The following SFPQ variants were observed in gnomAD, a reference collection of about 807,000 sequenced individuals.
SFPQ encodes the protein splicing factor proline and glutamine rich, also known as splicing factor, proline- and glutamine-rich.
A neutral mutation model predicts 72.9 loss-of-function variants in SFPQ; 11 were observed. The ratio of observed to expected loss-of-function variants is 0.15; its 90% confidence interval spans 0.09 to 0.25. The LOEUF (loss-of-function observed/expected upper bound fraction) is 0.25. Among genes scored for constraint, SFPQ ranks in the 10% least tolerant of loss-of-function variants. The probability of loss-of-function intolerance (pLI) is 1.00; values close to 1 mark genes in which losing one functional copy is unlikely to be tolerated. For synonymous variants in SFPQ, 506 were observed against 367.3 expected, an observed-to-expected ratio of 1.38 and a Z score of -4.32; for missense variants, 847 against 993.3, an observed-to-expected ratio of 0.85 and a Z score of 1.98.
rs1640100345 is a variant in SFPQ at position 35,192,779 on chromosome 1, G to T, written c.271C>A (p.Pro91Thr). The change falls in exon 1 of 10, where the codon CCA becomes ACA. Residue 91 changes from proline (P) to threonine (T), a missense_variant. By Grantham distance (38) the Pro-to-Thr change is conservative. This residue lies in a region of SFPQ where 498 missense variants were observed against 405.1 expected (regional missense o/e 1.23). Coordinates refer to ENST00000357214, the MANE Select transcript of SFPQ (RefSeq NM_005066.3). ...GGCTGCTGCTGCTGATGCGGCTGTG[G>T]ATGCGGCGGCGGCTGATGCGGTGGC... ...QPPPHQPPPH[P>T]QPHQQQQPPP... 3 of 1,500,640 alleles carry T rather than the reference G, an allele frequency of 2.0e-6. No homozygotes were observed. Among genetic ancestry groups the T allele is most frequent in the Admixed American group, 2.2e-5 (1 of 46,452 alleles). The allele number at this position is 1,500,640 out of a possible 1,614,324, so 93.0% of individuals were successfully genotyped here. A position where few individuals can be genotyped will look rare whatever the true frequency, so the allele number is the denominator to read the frequency against.
At position 35,191,381 on chromosome 1, in the gene SFPQ, ACTT is replaced by A; in HGVS notation, c.974_976del (p.Glu325del). ...GAATCCTTTGCCTTTGTTGATAAAA[ACTT>A]CTCCTGGTTCTCCATATTTAGCAAA... On this transcript the variant is annotated inframe_deletion, in exon 2 of 10. Transcript: ENST00000357214. The A allele has an allele frequency of 6.2e-7, 1 of 1,614,098 alleles. No individual in the cohort carries two copies. Among genetic ancestry groups the A allele is most frequent in the Non-Finnish European group, 8.5e-7 (1 of 1,179,968 alleles).
chr1:35,178,524 AGTT>A (rs1639338990), downstream of SFPQ: 3 of 1,061,814 alleles, frequency 2.8e-6, no homozygotes, highest in Non-Finnish European at 3.4e-6. Context: ...ACAACGCTGT[AGTT>A]GTTGTCCTGC....
intron 4 of SFPQ, chr1:35,177,729 TAAGTC>T (rs770409121): frequency 1.4e-4 from 22 of 161,186 alleles, no homozygotes; most frequent in Non-Finnish European, 1.9e-4. Context: ...CTATTCCCCT[TAAGTC>T]AAGTTTTCTT....
Position 35,187,346 on chromosome 1 carries a change from T to A in SFPQ, c.1816-95A>T, listed in dbSNP as rs191047231. The A allele has an allele frequency of 8.8e-6, 10 of 1,141,190 alleles. No homozygotes were observed. In the African/African-American group the frequency reaches 1.2e-4, roughly 14 times the overall value. The allele number at this position is 1,141,190 out of a possible 1,614,324, so 70.7% of individuals were successfully genotyped here. ...ATTTTCAAGAGTTAAATAAAAAACA[T>A]GGTAAAGTTCAAAAGTTCATCATGT... On this transcript the variant is annotated intron_variant, in intron 7 of 9. Coordinates refer to ENST00000357214, the MANE Select transcript of SFPQ (RefSeq NM_005066.3).
chr1:35,180,166 A>C (rs1451581285), downstream of SFPQ: 1 of 1,050,286 alleles, frequency 9.5e-7, no homozygotes, highest in Non-Finnish European at 1.1e-6. Flanking sequence ...TATGCAAAGT[A>C]AACCACTTTC....
chr1:35,187,031 G>T lies in SFPQ; in HGVS notation c.1956C>A (p.Thr652=). 6.2e-7 allele frequency: 1 copy of T among 1,614,028 alleles called. No homozygotes were observed. The highest frequency in any genetic ancestry group is 8.5e-7 in the Non-Finnish European group (1 of 1,179,920). ...YEANPGVPPA[T]MSGSMMGSDM... is the part of the protein sequence containing the mutation. Reference sequence around the variant, plus strand: ...CACTTCCCATCATGGAACCACTCATGGTTGCTGGTGGAACGCCAGGATTAG... The same window carrying T: ...CACTTCCCATCATGGAACCACTCATTGTTGCTGGTGGAACGCCAGGATTAG... The change falls in exon 9 of 10, where the codon ACC becomes ACA. Residue 652 remains threonine (T), a synonymous_variant. Transcript: ENST00000357214.
Position 35,183,497 on chromosome 1 carries a change from G to C in SFPQ, c.*959C>G. The C allele has an allele frequency of 3.1e-6, 3 of 980,366 alleles. No homozygotes were observed. The highest frequency in any genetic ancestry group is 3.7e-6 in the Non-Finnish European group (3 of 816,960). The allele number at this position is 980,366 out of a possible 1,614,324, so 60.7% of individuals were successfully genotyped here. The stretch of plus-strand genomic sequence containing the variant: ...CTCCCAAAGTGCTGGGATTACAGGC[G>C]TGAGCCACCGCGCCCGGCCCAGTTA... On this transcript the variant is annotated 3_prime_UTR_variant, in exon 10 of 10. Coordinates refer to ENST00000357214, the MANE Select transcript of SFPQ (RefSeq NM_005066.3).
intron 6 of SFPQ, among the ~76,000 whole-genome samples, chr1:35,188,670 A>C (rs184800041): frequency 1.2e-4 from 18 of 152,332 alleles, no homozygotes; most frequent in Middle Eastern, 3.4e-3. Context: ...AGGAAGAAAA[A>C]AAATGGCCAA....
In SFPQ at chr1:35,190,576, A is replaced by C; in HGVS notation, c.1337T>G (p.Ile446Ser). The change falls in exon 4 of 10, where the codon ATT becomes AGT. Residue 446 changes from isoleucine to serine, a missense_variant. Transcript: ENST00000357214. ...FLLTTTPRPV[I>S]VEPLEQLDDE... ...ATCTAGTTGTTCAAGTGGTTCCACA[A>C]TGACTGGACGAGGAGTTCTAATAAC... 1 of 1,613,802 alleles carries C rather than the reference A, an allele frequency of 6.2e-7. No individual in the cohort carries two copies. Among genetic ancestry groups the C allele is most frequent in the East Asian group, 2.2e-5 (1 of 44,870 alleles).
At chr1:35,192,187 AG>A in intron 1 of SFPQ, 34 bp downstream of exon 1, 1 of 1,366,514 alleles carries the variant, frequency 7.3e-7, no homozygotes, top group Non-Finnish European at 9.4e-7. Flanking sequence ...CCGCCATCTT[AG>A]GGGAGCCGAC....
chr1:35,191,754 G>A (rs1196404947), intron 1 of SFPQ, among the ~76,000 whole-genome samples: 1 of 144,236 alleles, frequency 6.9e-6, no homozygotes, highest in East Asian at 2.3e-4. Flanking sequence ...CCAAAGAGTA[G>A]ACGTCCATCA....
Position 35,189,386 on chromosome 1 carries a change from A to G in SFPQ, c.1416-4T>C, listed in dbSNP as rs1639882988. On this transcript the variant is annotated splice_polypyrimidine_tract_variant and splice_region_variant and intron_variant, in intron 4 of 9. Coordinates refer to ENST00000357214, the MANE Select transcript of SFPQ (RefSeq NM_005066.3). ...ACGAGGAGGGGTTTCTCTCTCCCTA[A>G]CAATACACAAAATTTTAACATGAAC... 6 of 1,610,136 alleles carry G rather than the reference A, an allele frequency of 3.7e-6. No individual in the cohort carries two copies. The Admixed American group carries it at 5.0e-5, about 14-fold the overall frequency.
In SFPQ at chr1:35,183,837, T is replaced by A; in HGVS notation, c.*619A>T. On this transcript the variant is annotated 3_prime_UTR_variant, in exon 10 of 10. Transcript: ENST00000357214. ...CCCATTCCACAATCTTAATACATAT[T>A]CCTGAAGATTTACAGTTCAGCTTTG... The A allele has an allele frequency of 1.9e-6, 2 of 1,055,566 alleles. No individual in the cohort carries two copies. Among genetic ancestry groups the A allele is most frequent in the Non-Finnish European group, 2.3e-6 (2 of 873,054 alleles). 65.4% of individuals were successfully genotyped at this position (1,055,566 alleles called of 1,614,324 possible).
chr1:35,178,380 T>TC, downstream of SFPQ: 3 of 1,063,742 alleles, frequency 2.8e-6, no homozygotes, highest in Non-Finnish European at 3.4e-6. Context: ...ACCAAATGAG[T>TC]TTTAACATCA....
Position 35,191,041 on chromosome 1 carries a change from T to C in SFPQ, c.1018-46A>G, listed in dbSNP as rs367894383. On this transcript the variant is annotated intron_variant, in intron 2 of 9. Coordinates refer to ENST00000357214, the MANE Select transcript of SFPQ (RefSeq NM_005066.3). The stretch of plus-strand genomic sequence containing the variant: ...TGTTAATGACCTCAAAATTGGATGA[T>C]GTCTACTCTTAAATTGTCATAGGCC... 12 of 1,499,514 alleles carry C rather than the reference T, an allele frequency of 8.0e-6. No individual in the cohort carries two copies. In the East Asian group the frequency reaches 1.6e-4, roughly 20 times the overall value. 92.9% of individuals were successfully genotyped at this position (1,499,514 alleles called of 1,614,324 possible). A position where few individuals can be genotyped will look rare whatever the true frequency, so the allele number is the denominator to read the frequency against.
rs576695055 is a variant in SFPQ at position 35,184,015 on chromosome 1, G to A, written c.*441C>T. On this transcript the variant is annotated 3_prime_UTR_variant, in exon 10 of 10. Transcript: ENST00000357214. ...ACTTAGCCTCCAGATGCATTTCCCA[G>A]AAATGGCATATGCCATTCAAAGGCC... The A allele has an allele frequency of 1.9e-6, 2 of 1,057,376 alleles. No individual in the cohort carries two copies. Among genetic ancestry groups the A allele is most frequent in the Middle Eastern group, 4.3e-4 (1 of 2,352 alleles). The allele number at this position is 1,057,376 out of a possible 1,614,324, so 65.5% of individuals were successfully genotyped here. A position where few individuals can be genotyped will look rare whatever the true frequency, so the allele number is the denominator to read the frequency against.
chr1:35,182,404 T>G (rs1639506800), downstream of SFPQ: 1 of 985,242 alleles, frequency 1.0e-6, no homozygotes, highest in Admixed American at 6.2e-5. Context: ...TATTTCCGAG[T>G]GTGCTGGTGA....
chr1:35,192,264 G>C lies in SFPQ; in HGVS notation c.786C>G (p.Gly262=). The C allele has an allele frequency of 6.8e-7, 1 of 1,462,742 alleles. No homozygotes were observed. Among genetic ancestry groups the C allele is most frequent in the Non-Finnish European group, 9.0e-7 (1 of 1,114,816 alleles). 90.6% of individuals were successfully genotyped at this position (1,462,742 alleles called of 1,614,324 possible). ...TCTCCTCGCTGCGGCCGCCGGGCCC[G>C]CCGGGCGGGGGCCCCTGGTGATGCT... ...HQQHHQGPPP[G]GPGGRSEEKI... Residue 262 remains glycine, a synonymous_variant, in exon 1 of 10, where the codon GGC becomes GGG. Coordinates refer to ENST00000357214, the MANE Select transcript of SFPQ (RefSeq NM_005066.3).
In SFPQ at chr1:35,192,816, C is replaced by CGGTGGCTGCTGCGGT. The variant is rs746458273; in HGVS notation, c.219_233dup (p.Gln80_Pro84dup). Reference sequence around the variant, plus strand: ...GCTGATGCGGTGGCGGCTGCTGCGGCGGTGGCTGCTGCGGTGGTGGCTGTT... The same window carrying CGGTGGCTGCTGCGGT: ...GCTGATGCGGTGGCGGCTGCTGCGGCGGTGGCTGCTGCGGTGGTGGCTGCTGCGGTGGTGGCTGTT... On this transcript the variant is annotated inframe_insertion, in exon 1 of 10. Transcript: ENST00000357214. 2 of 1,504,768 alleles carry CGGTGGCTGCTGCGGT rather than the reference C, an allele frequency of 1.3e-6. No homozygotes were observed. The highest frequency in any genetic ancestry group is 1.8e-6 in the Non-Finnish European group (2 of 1,133,688). The allele number at this position is 1,504,768 out of a possible 1,614,324, so 93.2% of individuals were successfully genotyped here. A position where few individuals can be genotyped will look rare whatever the true frequency, so the allele number is the denominator to read the frequency against.
Sources: allele counts gnomAD v4.1 joint callset (sites outside exome capture counted in the v4.1 genomes callset), GRCh38; gene constraint gnomAD v4.1.1; regional missense constraint gnomAD v4.1.1; transcripts MANE v1.5; gene names NCBI Gene and HGNC (gene_info 2026-07-23, HGNC 2026-07-21).